The following MTMR14 variants were observed in gnomAD, a reference collection of about 807,000 sequenced individuals.
The protein encoded by MTMR14 is phosphatidylinositol-3,5-bisphosphate 3-phosphatase MTMR14.
Under a neutral mutation model 86.3 loss-of-function variants are expected in MTMR14, and 48 were observed. The observed-to-expected ratio is 0.56, with a 90% CI of 0.44 to 0.71. The LOEUF is 0.71. Among genes scored for constraint, MTMR14 ranks in the 30% least tolerant of loss-of-function variants. The probability of loss-of-function intolerance (pLI) is 0.00; values close to 1 mark genes in which losing one functional copy is unlikely to be tolerated. For synonymous variants in MTMR14, 366 were observed against 326.1 expected, an observed-to-expected ratio of 1.12 and a Z score of -1.32; for missense variants, 780 against 834.6, an observed-to-expected ratio of 0.93 and a Z score of 0.81.
intron 17 of MTMR14, 68 bp from the exon 18 acceptor site, chr3:9,697,643 C>T (rs2076321769): frequency 6.4e-7 from 1 of 1,569,134 alleles, no homozygotes; most frequent in Non-Finnish European, 8.7e-7. Context: ...TCCCCTAGCC[C>T]CCTCCAGAGC....
At chr3:9,694,767 C>T (rs1234031189) in intron 17 of MTMR14, among the ~76,000 whole-genome samples, 2 of 152,166 alleles carry the variant, frequency 1.3e-5, no homozygotes, top group Non-Finnish European at 2.9e-5. Flanking sequence ...TTCTTGTACC[C>T]CCTTCCAGAA....
At chr3:9,661,071 A>G (rs6809387) in intron 2 of MTMR14, among the ~76,000 whole-genome samples, 29,705 of 152,112 alleles carry the variant, frequency 0.2, 5,001 homozygotes, top group African/African-American at 0.46. Flanking sequence ...AGCCCAGTGC[A>G]TTAACTACTA....
chr3:9,674,929 T>G (rs2048772476), intron 7 of MTMR14, among the ~76,000 whole-genome samples: 1 of 152,190 alleles, frequency 6.6e-6, no homozygotes, highest in African/African-American at 2.4e-5. Context: ...CTGACCAACA[T>G]GGAGAAACCC....
chr3:9,669,495 C>T lies in MTMR14; in HGVS notation c.554+3C>T. 1 of 1,612,808 alleles carries T rather than the reference C, an allele frequency of 6.2e-7. No homozygotes were observed. Among genetic ancestry groups the T allele is most frequent in the Non-Finnish European group, 8.5e-7 (1 of 1,179,260 alleles). On this transcript the variant is annotated splice_donor_region_variant and intron_variant, in intron 5 of 18. Transcript: ENST00000296003. ...ACGGAGGAGGACTGTGCTCTTCGGTCAGTGCTGGGTTGCTGTGGTCAGGGG... is the reference window on the plus strand; with the variant it reads ...ACGGAGGAGGACTGTGCTCTTCGGTTAGTGCTGGGTTGCTGTGGTCAGGGG...
intron 2 of MTMR14, among the ~76,000 whole-genome samples, chr3:9,660,670 C>G (rs1310999870): frequency 6.6e-6 from 1 of 152,206 alleles, no homozygotes; most frequent in African/African-American, 2.4e-5. Context: ...GTGGGAGTCA[C>G]TGATTTCTTC....
chr3:9,676,690 G>A (rs1235247182), intron 7 of MTMR14, among the ~76,000 whole-genome samples: 1 of 152,238 alleles, frequency 6.6e-6, no homozygotes, highest in Non-Finnish European at 1.5e-5. Context: ...ATTCTCTCCA[G>A]TGTTTCTCTC....
intron 7 of MTMR14, chr3:9,675,558 G>C (rs367926138): frequency 6.6e-6 from 3 of 457,084 alleles, no homozygotes; most frequent in South Asian, 1.5e-5. Flanking sequence ...AAAATAGATG[G>C]TCCCAAATTC....
chr3:9,673,937 T>A (rs1023459039), intron 7 of MTMR14, among the ~76,000 whole-genome samples: 2 of 152,004 alleles, frequency 1.3e-5, no homozygotes, highest in African/African-American at 4.8e-5. Flanking sequence ...ATGGTGGTGA[T>A]GATGTTGATG....
chr3:9,663,208 A>C (rs2048039050), intron 3 of MTMR14, among the ~76,000 whole-genome samples: 1 of 152,190 alleles, frequency 6.6e-6, no homozygotes. Context: ...AGCGGAATTC[A>C]GTCTATTCAT....
chr3:9,685,365 G>A, intron 13 of MTMR14, 118 bp downstream of exon 13: 1 of 1,271,950 alleles, frequency 7.9e-7, no homozygotes, highest in South Asian at 1.2e-5. Flanking sequence ...GCAGGGATGT[G>A]GCCCCCTGTC....
chr3:9,689,568 T>C (rs1373860140), intron 16 of MTMR14, among the ~76,000 whole-genome samples: 1 of 152,102 alleles, frequency 6.6e-6, no homozygotes, highest in Non-Finnish European at 1.5e-5. Flanking sequence ...GTGGCTTATA[T>C]TTATAATCCC....
At chr3:9,660,440 T>C (rs2047864973) in intron 2 of MTMR14, among the ~76,000 whole-genome samples, 1 of 151,984 alleles carries the variant, frequency 6.6e-6, no homozygotes, top group South Asian at 2.1e-4. Flanking sequence ...TTTGTATTTT[T>C]AGTAGAGATG....
rs1045939004 is a variant in MTMR14, at chr3:9,659,937, A to C, written c.309-2330A>C. 1.2e-5 allele frequency: 5 copies of C among 425,738 alleles called. No individual in the cohort carries two copies. In the Admixed American group the frequency reaches 1.3e-4, roughly 11 times the overall value. The allele number at this position is 425,738 out of a possible 1,614,324, so 26.4% of individuals were successfully genotyped here. On this transcript the variant is annotated intron_variant, in intron 2 of 18. Coordinates refer to ENST00000296003, the MANE Select transcript of MTMR14 (RefSeq NM_001077525.3). Reference sequence around the variant, plus strand: ...AATCCACCTTGGTTTTGAGGCTACAACTCAACCTGGGAAAATCAGATGTAG... The same window carrying C: ...AATCCACCTTGGTTTTGAGGCTACACCTCAACCTGGGAAAATCAGATGTAG...
rs529145674 is a variant in MTMR14 at position 9,671,124 on chromosome 3, A to T, written c.631A>T (p.Ile211Phe). Residue 211 changes from isoleucine to phenylalanine, a missense_variant, in exon 6 of 19, where the codon ATC becomes TTC. Transcript: ENST00000296003. ...GCTTCGATACCTGTCAGTCAAATAC[A>T]TCTGTGACCTGATGGTGGAGAACAA... The part of the protein sequence containing the change: ...KLLRYLSVKY[I>F]CDLMVENKKV... 5 of 1,614,220 alleles carry T rather than the reference A, an allele frequency of 3.1e-6. No individual in the cohort carries two copies. The South Asian group carries it at 5.5e-5, about 18-fold the overall frequency.
At chr3:9,682,403 G>A (rs2075797912) in intron 9 of MTMR14, among the ~76,000 whole-genome samples, 1 of 152,142 alleles carries the variant, frequency 6.6e-6, no homozygotes, top group African/African-American at 2.4e-5. Context: ...CTAAGCAATT[G>A]TATCTTAAGA....
chr3:9,655,779 A>G (rs187768859), intron 2 of MTMR14, among the ~76,000 whole-genome samples: 12 of 152,016 alleles, frequency 7.9e-5, no homozygotes, highest in African/African-American at 2.6e-4. Flanking sequence ...TCTTAAATAC[A>G]CTATAGCTTG....
chr3:9,685,031 G>T, intron 12 of MTMR14, 67 bp downstream of exon 12: 1 of 1,544,976 alleles, frequency 6.5e-7, no homozygotes, highest in Non-Finnish European at 9.0e-7. Context: ...TTGTGTGGTG[G>T]CTCCCTTGAC....
chr3:9,702,265 T>C lies in MTMR14; in HGVS notation c.*292T>C. The C allele has an allele frequency of 2.0e-6, 1 of 490,758 alleles. No homozygotes were observed. Among genetic ancestry groups the C allele is most frequent in the Non-Finnish European group, 3.7e-6 (1 of 267,808 alleles). The allele number at this position is 490,758 out of a possible 1,614,324, so 30.4% of individuals were successfully genotyped here. ...TGTGTGGGGTTTCCCTGGGGCCTTG[T>C]GGAAGCCATGACTTCACAAAGACCC... On this transcript the variant is annotated 3_prime_UTR_variant, in exon 19 of 19. Coordinates refer to ENST00000296003, the MANE Select transcript of MTMR14 (RefSeq NM_001077525.3).
intron 3 of MTMR14, among the ~76,000 whole-genome samples, chr3:9,666,935 C>T (rs1331871250): frequency 1.3e-5 from 2 of 152,180 alleles, no homozygotes; most frequent in Non-Finnish European, 2.9e-5. Flanking sequence ...GTCAGCCCTC[C>T]CACAGGGGCC....
Sources: allele counts gnomAD v4.1 joint callset (sites outside exome capture counted in the v4.1 genomes callset), GRCh38; gene constraint gnomAD v4.1.1; transcripts MANE v1.5; gene names NCBI Gene and HGNC (gene_info 2026-07-23, HGNC 2026-07-21).